The following DDC variants were observed in gnomAD, a reference collection of about 807,000 sequenced individuals.
DDC encodes the protein dopa decarboxylase, also known as aromatic-L-amino-acid decarboxylase.
In DDC, 43 loss-of-function variants were observed where a neutral mutation model predicts 60.0. That is an observed-to-expected ratio of 0.72 (90% CI 0.56 to 0.92). The LOEUF is 0.92. Ranked by LOEUF, DDC falls within the 40% of genes least tolerant of loss-of-function variation. The pLI, the probability that DDC is intolerant of heterozygous loss-of-function variation, is 0.00. For synonymous variants in DDC, 232 were observed against 234.6 expected (o/e 0.99, Z 0.10); for missense variants, 573 against 620.2 (o/e 0.92, Z 0.81).
chr7:50,513,578 C>A (rs906832759), intron 6 of DDC, among the ~76,000 whole-genome samples: 45 of 152,144 alleles, frequency 3.0e-4, no homozygotes, highest in Non-Finnish European at 7.4e-5. Context: ...TAGCCTGGGG[C>A]AAGTTTTTAA....
intron 6 of DDC, among the ~76,000 whole-genome samples, chr7:50,520,215 C>T (rs923532108): frequency 6.6e-6 from 1 of 152,140 alleles, no homozygotes; most frequent in Non-Finnish European, 1.5e-5. Flanking sequence ...CCAATGACAG[C>T]AGAATATATT....
At chr7:50,477,220 G>A (rs573879619) in intron 10 of DDC, among the ~76,000 whole-genome samples, 41 of 152,146 alleles carry the variant, frequency 2.7e-4, no homozygotes, top group Non-Finnish European at 5.1e-4. Flanking sequence ...TTGCTTTTGA[G>A]CCTCCCCTCA....
intron 1 of DDC, among the ~76,000 whole-genome samples, chr7:50,551,448 G>T (rs937376520): frequency 2.0e-5 from 3 of 151,826 alleles, no homozygotes; most frequent in Admixed American, 6.6e-5. Flanking sequence ...GGCCAGGCTG[G>T]TCTCTAACTC....
chr7:50,466,925 G>T (rs2042411685), intron 13 of DDC, among the ~76,000 whole-genome samples: 1 of 152,262 alleles, frequency 6.6e-6, no homozygotes, highest in South Asian at 2.1e-4. Flanking sequence ...GCCAGTGGCA[G>T]AGGTGTGGGA....
intron 7 of DDC, among the ~76,000 whole-genome samples, chr7:50,499,792 G>A (rs2043208301): frequency 6.6e-6 from 1 of 152,128 alleles, no homozygotes; most frequent in Admixed American, 6.5e-5. Flanking sequence ...ACCATGCATA[G>A]CAGCCTTGTG....
At chr7:50,480,725 CCT>C (rs2042749302) in intron 9 of DDC, among the ~76,000 whole-genome samples, 1 of 152,154 alleles carries the variant, frequency 6.6e-6, no homozygotes, top group Non-Finnish European at 1.5e-5. Context: ...AGCATTTGCT[CCT>C]CTCTCTCTTT....
chr7:50,517,611 A>C (rs1034302034), intron 6 of DDC, among the ~76,000 whole-genome samples: 1 of 152,182 alleles, frequency 6.6e-6, no homozygotes, highest in African/African-American at 2.4e-5. Flanking sequence ...AAGGGCATCC[A>C]AATCAGTAAA....
At chr7:50,550,368 T>A (rs1337220306) in intron 1 of DDC, among the ~76,000 whole-genome samples, 1 of 152,222 alleles carries the variant, frequency 6.6e-6, no homozygotes, top group Non-Finnish European at 1.5e-5. Flanking sequence ...TACAGTATAG[T>A]GTAAACAGAA....
chr7:50,515,702 G>A (rs1563019631), intron 6 of DDC, among the ~76,000 whole-genome samples: 1 of 152,014 alleles, frequency 6.6e-6, no homozygotes, highest in Non-Finnish European at 1.5e-5. Flanking sequence ...TAACGCATAA[G>A]GACTCACATA....
At chr7:50,459,845 C>T (rs2042219108) in intron 14 of DDC, among the ~76,000 whole-genome samples, 1 of 146,906 alleles carries the variant, frequency 6.8e-6, no homozygotes, top group Non-Finnish European at 1.5e-5. Flanking sequence ...GGAATCAGCC[C>T]CCGGCCCGGC....
intron 2 of DDC, 46 bp from the exon 3 acceptor site, chr7:50,540,074 G>A (rs1371825247): frequency 1.3e-6 from 2 of 1,488,310 alleles, no homozygotes; most frequent in South Asian, 1.2e-5. Flanking sequence ...GGAAAGCCAG[G>A]CCTCAAGAGA....
intron 6 of DDC, among the ~76,000 whole-genome samples, chr7:50,526,933 T>C (rs1270081447): frequency 6.6e-6 from 1 of 152,232 alleles, no homozygotes; most frequent in Non-Finnish European, 1.5e-5. Context: ...TCTAAATGTG[T>C]ATGCACCAAA....
intron 14 of DDC, among the ~76,000 whole-genome samples, chr7:50,460,203 C>A (rs2042235854): frequency 1.4e-5 from 2 of 145,930 alleles, no homozygotes; most frequent in African/African-American, 2.6e-5. Context: ...CAGCCCCTGG[C>A]CCGGCCAGCC....
intron 4 of DDC, among the ~76,000 whole-genome samples, chr7:50,529,675 C>T (rs1173113555): frequency 1.3e-5 from 2 of 152,198 alleles, no homozygotes; most frequent in African/African-American, 4.8e-5. Flanking sequence ...CTGTCTCTAT[C>T]AGAGGAGAAC....
chr7:50,480,566 G>T (rs2042745613), intron 9 of DDC, among the ~76,000 whole-genome samples: 1 of 152,196 alleles, frequency 6.6e-6, no homozygotes, highest in Non-Finnish European at 1.5e-5. Flanking sequence ...ATTTGAAGTG[G>T]GGGCCGGCTG....
At position 50,543,565 on chromosome 7, in the gene DDC, T is replaced by C. The variant is rs151161554; in HGVS notation, c.201+320A>G. 477 of 396,204 alleles carry C rather than the reference T, an allele frequency of 1.2e-3. 1 individual carries two copies. The highest frequency in any genetic ancestry group is 2.1e-3 in the Non-Finnish European group (444 of 208,792). The allele number at this position is 396,204 out of a possible 1,614,324, so 24.5% of individuals were successfully genotyped here. On this transcript the variant is annotated intron_variant, in intron 2 of 14. Transcript: ENST00000444124. Reference sequence around the variant, plus strand: ...CAGCCACCAGTGTCTTGCTTCCTAATGTATATGAGGACACGCTCTATGTAC... The same window carrying C: ...CAGCCACCAGTGTCTTGCTTCCTAACGTATATGAGGACACGCTCTATGTAC...
At chr7:50,494,284 G>C (rs2043073546) in intron 9 of DDC, among the ~76,000 whole-genome samples, 1 of 152,172 alleles carries the variant, frequency 6.6e-6, no homozygotes, top group Non-Finnish European at 1.5e-5. Flanking sequence ...GAGGAGGGTG[G>C]ATCATGAGGT....
At chr7:50,474,312 C>T (rs2042594655) in intron 11 of DDC, among the ~76,000 whole-genome samples, 1 of 152,168 alleles carries the variant, frequency 6.6e-6, no homozygotes, top group South Asian at 2.1e-4. Context: ...CGGAAAGGGC[C>T]TGAGGTGCTG....
intron 3 of DDC, 22 bp from the exon 4 acceptor site, chr7:50,538,001 G>A (rs370226860): frequency 3.0e-4 from 488 of 1,614,170 alleles, no homozygotes; most frequent in Non-Finnish European, 3.8e-4. Flanking sequence ...GAAGGGAAGG[G>A]ATTAACCGAG....
Sources: allele counts gnomAD v4.1 joint callset (sites outside exome capture counted in the v4.1 genomes callset), GRCh38; gene constraint gnomAD v4.1.1; transcripts MANE v1.5; gene names NCBI Gene and HGNC (gene_info 2026-07-23, HGNC 2026-07-21).